The following DISC1 variants were observed in gnomAD, a reference collection of about 807,000 sequenced individuals.
DISC1 encodes the protein DISC1 scaffold protein.
DISC1 carries 57 observed loss-of-function variants against 84.5 expected under a neutral mutation model. The ratio of observed to expected loss-of-function variants is 0.67; its 90% confidence interval spans 0.55 to 0.84. The LOEUF is 0.84. DISC1 is among the 40% of genes least tolerant of loss of function. The pLI is 0.00. For missense variants in DISC1, 1,000 were observed against 1,057.8 expected, an observed-to-expected ratio of 0.95 and a Z score of 0.76; for synonymous variants, 411 against 415.2, an observed-to-expected ratio of 0.99 and a Z score of 0.12.
intron 1 of DISC1, among the ~76,000 whole-genome samples, chr1:231,662,814 G>A (rs2125385282): frequency 6.6e-6 from 1 of 152,164 alleles, no homozygotes; most frequent in South Asian, 2.1e-4. Flanking sequence ...GTACACAAAA[G>A]GAAATGAGAA....
chr1:231,905,936 A>G (rs1411432108), intron 9 of DISC1, among the ~76,000 whole-genome samples: 2 of 151,984 alleles, frequency 1.3e-5, no homozygotes, highest in Admixed American at 1.3e-4. Flanking sequence ...CAAATGGTCC[A>G]GGAAATAGAA....
chr1:231,956,929 C>T (rs1659615034), intron 9 of DISC1, among the ~76,000 whole-genome samples: 1 of 152,210 alleles, frequency 6.6e-6, no homozygotes, highest in South Asian at 2.1e-4. Context: ...GAGAGCCACG[C>T]AGAAACTGGA....
intron 4 of DISC1, among the ~76,000 whole-genome samples, chr1:231,756,828 T>C (rs1449763062): frequency 6.6e-6 from 1 of 152,234 alleles, no homozygotes; most frequent in East Asian, 1.9e-4. Flanking sequence ...TTATGTATTA[T>C]TACCGTAACT....
rs1445732959 is a variant in DISC1, at chr1:232,040,511, G to A, written c.*3680G>A. 2 of 152,150 alleles carry A rather than the reference G, an allele frequency of 1.3e-5. No homozygotes were observed. The highest frequency in any genetic ancestry group is 2.9e-5 in the Non-Finnish European group (2 of 68,038). The allele number at this position is 152,150 out of a possible 1,614,324, so 9.4% of individuals were successfully genotyped here. Reference sequence around the variant, plus strand: ...AGGTGTTTGTAGATGATGCAACTGAGCCTTAAGAGGACTAATTCCCTTTTT... The same window carrying A: ...AGGTGTTTGTAGATGATGCAACTGAACCTTAAGAGGACTAATTCCCTTTTT... On this transcript the variant is annotated 3_prime_UTR_variant, in exon 13 of 13. Transcript: ENST00000439617.
chr1:231,758,221 T>A (rs1434501262), intron 4 of DISC1, among the ~76,000 whole-genome samples: 2 of 152,186 alleles, frequency 1.3e-5, no homozygotes, highest in Non-Finnish European at 2.9e-5. Flanking sequence ...TTCTTCAAAA[T>A]CAACCTGTAC....
At chr1:232,015,417 G>C (rs901449159) in intron 11 of DISC1, among the ~76,000 whole-genome samples, 1 of 152,118 alleles carries the variant, frequency 6.6e-6, no homozygotes, top group Non-Finnish European at 1.5e-5. Context: ...GCAGGATGGC[G>C]TCTGCCTGAA....
chr1:231,775,750 CT>C, intron 6 of DISC1, among the ~76,000 whole-genome samples: 1 of 152,314 alleles, frequency 6.6e-6, no homozygotes, highest in South Asian at 2.1e-4. Context: ...TTCAACCCCC[CT>C]GCTTTAAAAC....
intron 12 of DISC1, among the ~76,000 whole-genome samples, chr1:232,027,793 CTGTGTGTG>C (rs35448234): frequency 4.2e-5 from 6 of 143,438 alleles, no homozygotes; most frequent in African/African-American, 7.7e-5. Flanking sequence ...ACTTTATGGG[CTGTGTGTG>C]TGTGTGTGTG....
chr1:231,920,155 A>G (rs1322481105), intron 9 of DISC1, among the ~76,000 whole-genome samples: 1 of 152,220 alleles, frequency 6.6e-6, no homozygotes, highest in Non-Finnish European at 1.5e-5. Flanking sequence ...CCTTGGGGAT[A>G]TAGGGCTGCC....
At chr1:231,837,461 C>T (rs1285992401) in intron 9 of DISC1, among the ~76,000 whole-genome samples, 1 of 152,182 alleles carries the variant, frequency 6.6e-6, no homozygotes, top group Non-Finnish European at 1.5e-5. Context: ...AGCAAATTCT[C>T]CTCTGTCTTT....
chr1:232,002,198 T>C (rs777894026), intron 10 of DISC1, among the ~76,000 whole-genome samples: 4 of 151,202 alleles, frequency 2.6e-5, no homozygotes, highest in Non-Finnish European at 4.4e-5. Context: ...CCTCTCAGAA[T>C]GGCAAAAACA....
At chr1:231,664,039 T>C (rs61835363) in intron 1 of DISC1, among the ~76,000 whole-genome samples, 24,119 of 146,110 alleles carry the variant, frequency 0.17, 2,681 homozygotes, top group East Asian at 0.46. Context: ...TCCATCTATC[T>C]ATCCATCCAT....
intron 4 of DISC1, among the ~76,000 whole-genome samples, chr1:231,762,865 T>A (rs182059587): frequency 5.6e-4 from 86 of 152,258 alleles, no homozygotes; most frequent in African/African-American, 2.1e-3. Flanking sequence ...CATAGTTCGC[T>A]CCATAGGGAA....
At chr1:231,869,251 G>A (rs1054200423) in intron 9 of DISC1, among the ~76,000 whole-genome samples, 6 of 152,114 alleles carry the variant, frequency 3.9e-5, no homozygotes, top group East Asian at 1.9e-4. Flanking sequence ...TACAACCACC[G>A]GGGAGTCTGT....
intron 4 of DISC1, among the ~76,000 whole-genome samples, chr1:231,765,868 C>T (rs2076134234): frequency 6.6e-6 from 1 of 152,120 alleles, no homozygotes; most frequent in African/African-American, 2.4e-5. Flanking sequence ...ATCAGTCACC[C>T]CTCCTTTTAA....
intron 9 of DISC1, among the ~76,000 whole-genome samples, chr1:231,914,066 G>C (rs1373940555): frequency 2.0e-5 from 3 of 152,192 alleles, no homozygotes; most frequent in Admixed American, 2.0e-4. Flanking sequence ...CCCAGGGCTG[G>C]CATGGCGAGT....
Position 232,009,025 on chromosome 1 carries a change from C to T in DISC1, c.2283C>T (p.His761=). The T allele has an allele frequency of 6.2e-7, 1 of 1,613,870 alleles. No homozygotes were observed. Among genetic ancestry groups the T allele is most frequent in the South Asian group, 1.1e-5 (1 of 91,074 alleles). Residue 761 remains histidine, a synonymous_variant, in exon 11 of 13, where the codon CAC becomes CAT. Transcript: ENST00000439617. This position sits in a 1 kb window ranked among gnomAD's most constrained non-coding sequence, Gnocchi z 4.6. ...AGACTCACCTCATCCCCTCTCTGCA[C>T]TGTGCTGGAGGTGAACAGAAAGAGG... is the stretch of plus-strand genomic sequence containing the variant. ...EWKTHLIPSL[H]CAGGEQKEES...
chr1:232,019,690 G>A (rs1008810386), intron 11 of DISC1, among the ~76,000 whole-genome samples: 13 of 152,190 alleles, frequency 8.5e-5, no homozygotes, highest in African/African-American at 3.1e-4. Flanking sequence ...GGAATCCGCT[G>A]AGGTGATGGG....
chr1:231,975,841 G>A (rs1026727205), intron 10 of DISC1, among the ~76,000 whole-genome samples: 1 of 152,128 alleles, frequency 6.6e-6, no homozygotes, highest in Non-Finnish European at 1.5e-5. Context: ...GAGAGTGAGA[G>A]GGGGTGGATG....
Sources: allele counts gnomAD v4.1 joint callset (sites outside exome capture counted in the v4.1 genomes callset), GRCh38; gene constraint gnomAD v4.1.1; non-coding constraint Gnocchi (gnomAD v3.1); transcripts MANE v1.5; gene names NCBI Gene and HGNC (gene_info 2026-07-23, HGNC 2026-07-21).